The following ARHGAP29 variants were observed in gnomAD, a reference collection of about 807,000 sequenced individuals.
ARHGAP29 encodes Rho GTPase activating protein 29.
ARHGAP29 carries 43 observed loss-of-function variants against 122.6 expected under a neutral mutation model. The observed-to-expected ratio is 0.35, with a 90% confidence interval of 0.27 to 0.45. ARHGAP29 has a LOEUF of 0.45. Ranked by LOEUF, ARHGAP29 falls within the 20% of genes least tolerant of loss-of-function variation. The pLI is 1.00. For missense variants in ARHGAP29, 1,303 were observed against 1,477.2 expected, an observed-to-expected ratio of 0.88 and a Z score of 1.93; for synonymous variants, 506 against 497.1, an observed-to-expected ratio of 1.02 and a Z score of -0.24.
the ARHGAP29 span, among the ~76,000 whole-genome samples, chr1:94,295,636 A>T: frequency 6.6e-6 from 1 of 152,206 alleles, no homozygotes; most frequent in South Asian, 2.1e-4. Context: ...TGTTGATGCG[A>T]TGAATCCATT....
intron 1 of ARHGAP29, chr1:94,248,079 T>A (rs946739514): frequency 1.3e-5 from 2 of 152,248 alleles, no homozygotes; most frequent in African/African-American, 2.4e-5. Context: ...ACTCAGGTGT[T>A]CAACTTGTTT....
At chr1:94,192,959 A>C (rs983457725) in intron 12 of ARHGAP29, 16 of 152,316 alleles carry the variant, frequency 1.1e-4, no homozygotes, top group African/African-American at 3.4e-4. Flanking sequence ...GACAAAAGAC[A>C]ATAAAAAGAC....
intron 3 of ARHGAP29, among the ~76,000 whole-genome samples, 167 bp downstream of exon 3, chr1:94,220,091 G>A (rs965091743): frequency 1.3e-5 from 2 of 152,122 alleles, no homozygotes; most frequent in Admixed American, 1.3e-4. Flanking sequence ...AAAGCTTTAG[G>A]TGTGACTTAG....
rs67114194 is a variant in ARHGAP29, at chr1:94,179,592, C to CAAAAAAAA, written c.2480+125_2480+132dup. Reference sequence around the variant, plus strand: ...TGGGTGACAGAGCGAGACTCTGTCTCAAAAAAAAAAAAAAAAAAAAAAAAA... The same window carrying CAAAAAAAA: ...TGGGTGACAGAGCGAGACTCTGTCTCAAAAAAAAAAAAAAAAAAAAAAAAAAAAAAAAA... On this transcript the variant is annotated intron_variant, in intron 20 of 22. Transcript: ENST00000260526. 5 of 199,896 alleles carry CAAAAAAAA rather than the reference C, an allele frequency of 2.5e-5. No homozygotes were observed. The African/African-American group carries it at 2.8e-4, about 11-fold the overall frequency. The allele number at this position is 199,896 out of a possible 1,614,324, so 12.4% of individuals were successfully genotyped here.
At chr1:94,193,259 A>T (rs1650235550) in intron 12 of ARHGAP29, 1 of 152,028 alleles carries the variant, frequency 6.6e-6, no homozygotes, top group African/African-American at 2.4e-5. Context: ...AACAACCAAG[A>T]GGAAAAAGCT....
chr1:94,207,006 T>C (rs1651244050), intron 5 of ARHGAP29, among the ~76,000 whole-genome samples: 1 of 150,812 alleles, frequency 6.6e-6, no homozygotes, highest in Admixed American at 6.6e-5. Flanking sequence ...GCAACTTTTA[T>C]TTATTTATTT....
the ARHGAP29 span, among the ~76,000 whole-genome samples, chr1:94,287,964 C>T: frequency 5.3e-5 from 8 of 152,244 alleles, no homozygotes; most frequent in South Asian, 2.1e-4. Context: ...AATAAACATG[C>T]GTGTACATGT....
chr1:94,184,333 C>T, intron 18 of ARHGAP29, 45 bp from the exon 19 acceptor site: 1 of 1,431,676 alleles, frequency 7.0e-7, no homozygotes, highest in Non-Finnish European at 9.6e-7. Context: ...TTCTTTAGTA[C>T]AAATGGCTAA....
intron 3 of ARHGAP29, 97 bp downstream of exon 3, chr1:94,220,161 C>CA: frequency 7.6e-7 from 1 of 1,315,904 alleles, no homozygotes; most frequent in South Asian, 1.3e-5. Context: ...CACACAAATG[C>CA]AATGAGAGGA....
chr1:94,235,893 T>C (rs566596789), intron 1 of ARHGAP29, among the ~76,000 whole-genome samples: 2 of 152,288 alleles, frequency 1.3e-5, no homozygotes, highest in South Asian at 4.2e-4. Context: ...GCCCCACGCA[T>C]GCCCCCTGCC....
At chr1:94,202,367 G>A (rs930384694) in intron 11 of ARHGAP29, 177 bp downstream of exon 11, 31 of 690,316 alleles carry the variant, frequency 4.5e-5, no homozygotes, top group African/African-American at 1.1e-4. Context: ...GCATCAGCAC[G>A]ACCTGAGAGC....
intron 13 of ARHGAP29, 68 bp downstream of exon 13, chr1:94,189,858 C>T (rs1650030751): frequency 1.3e-6 from 2 of 1,501,884 alleles, no homozygotes; most frequent in African/African-American, 1.4e-5. Context: ...CCTCCTTGTA[C>T]TAGATAGAAA....
At position 94,197,380 on chromosome 1, in the gene ARHGAP29, C is replaced by G. The variant is rs543862407; in HGVS notation, c.1281+4340G>C. 9.2e-5 allele frequency among the ~76,000 whole-genome samples: 14 copies of G among 152,134 alleles called. 1 individual carries two copies. The South Asian group carries it at 2.9e-3, about 32-fold the overall frequency. On this transcript the variant is annotated intron_variant, in intron 12 of 22. Coordinates refer to ENST00000260526, the MANE Select transcript of ARHGAP29 (RefSeq NM_004815.4). ...GAATACGTAGTAAAAAAAAAATTTT[C>G]CAAAGGAGAAAATCCCAAGCCTAGA...
the ARHGAP29 span, among the ~76,000 whole-genome samples, chr1:94,282,113 A>C: frequency 6.6e-6 from 1 of 152,068 alleles, no homozygotes; most frequent in Non-Finnish European, 1.5e-5. Flanking sequence ...TTTTAAAAAC[A>C]TGGATTCCTG....
At chr1:94,286,017 C>CA in the ARHGAP29 span, among the ~76,000 whole-genome samples, 2 of 152,056 alleles carry the variant, frequency 1.3e-5, no homozygotes, top group Non-Finnish European at 2.9e-5. Flanking sequence ...CTGTCTTAGT[C>CA]AGCGTGGGCT....
intron 1 of ARHGAP29, among the ~76,000 whole-genome samples, chr1:94,261,524 A>G (rs1654554593): frequency 1.3e-5 from 2 of 152,166 alleles, no homozygotes; most frequent in African/African-American, 4.8e-5. Flanking sequence ...CTTGACCTGA[A>G]CGCTCCTTAA....
intron 2 of ARHGAP29, among the ~76,000 whole-genome samples, chr1:94,226,202 C>T (rs946336704): frequency 1.3e-4 from 19 of 151,984 alleles, no homozygotes; most frequent in Middle Eastern, 6.8e-3. Flanking sequence ...GAACTTATCA[C>T]TAGGAAAGTC....
the ARHGAP29 span, among the ~76,000 whole-genome samples, chr1:94,307,773 T>C: frequency 2.0e-5 from 3 of 152,186 alleles, no homozygotes; most frequent in African/African-American, 7.2e-5. Context: ...TTTTAAAAAG[T>C]TAAATAGATT....
intron 19 of ARHGAP29, among the ~76,000 whole-genome samples, chr1:94,181,744 AAACAACAAC>A (rs375216269): frequency 2.0e-5 from 3 of 152,214 alleles, no homozygotes; most frequent in African/African-American, 7.2e-5. Context: ...AATGAGTAGA[AAACAACAAC>A]AACAACAACA....
Sources: gnomAD v4.1 joint callset for allele counts (sites outside exome capture counted in the v4.1 genomes callset) on GRCh38, gnomAD v4.1.1 for gene constraint, MANE v1.5 for transcripts, NCBI Gene and HGNC (gene_info 2026-07-23, HGNC 2026-07-21) for gene names.